HS3ST4: variants seen among roughly 807,000 people sequenced by gnomAD.
HS3ST4 encodes heparan sulfate-glucosamine 3-sulfotransferase 4.
A neutral mutation model predicts 29.2 loss-of-function variants in HS3ST4; 17 were observed. The ratio of observed to expected loss-of-function variants is 0.58; its 90% CI spans 0.40 to 0.87. The LOEUF (loss-of-function observed/expected upper bound fraction) is 0.87. Among genes scored for constraint, HS3ST4 ranks in the 40% least tolerant of loss-of-function variants. The probability of loss-of-function intolerance (pLI) is 0.00; values close to 1 mark genes in which losing one functional copy is unlikely to be tolerated. For synonymous variants in HS3ST4, 314 were observed against 285.7 expected (o/e 1.10, Z -1.00); for missense variants, 627 against 634.5 (o/e 0.99, Z 0.13).
At chr16:25,876,657 C>T (rs1967836086) in intron 1 of HS3ST4, among the ~76,000 whole-genome samples, 2 of 152,044 alleles carry the variant, frequency 1.3e-5, no homozygotes, top group South Asian at 4.1e-4. Context: ...GGTCATCCCA[C>T]TCAATCAACA....
At chr16:26,022,256 A>G (rs1969420535) in intron 1 of HS3ST4, among the ~76,000 whole-genome samples, 1 of 152,118 alleles carries the variant, frequency 6.6e-6, no homozygotes, top group Admixed American at 6.5e-5. Flanking sequence ...TGCATTAGCC[A>G]TGGCAACCAG....
intron 1 of HS3ST4, among the ~76,000 whole-genome samples, chr16:26,022,841 CT>C (rs1969427710): frequency 6.6e-6 from 1 of 151,916 alleles, no homozygotes; most frequent in African/African-American, 2.4e-5. Flanking sequence ...GTTTTAACAA[CT>C]TTAATAACTG....
At chr16:25,960,227 A>G (rs1199447538) in intron 1 of HS3ST4, among the ~76,000 whole-genome samples, 1 of 152,070 alleles carries the variant, frequency 6.6e-6, no homozygotes. Flanking sequence ...TTCCATCCTG[A>G]GTAAAAGCTT....
At chr16:25,994,445 T>A (rs1482089014) in intron 1 of HS3ST4, among the ~76,000 whole-genome samples, 2 of 152,208 alleles carry the variant, frequency 1.3e-5, no homozygotes, top group Non-Finnish European at 2.9e-5. Flanking sequence ...CATACAGTAC[T>A]GTAAAGAGCA....
At chr16:25,864,031 G>T (rs1567258775) in intron 1 of HS3ST4, among the ~76,000 whole-genome samples, 1 of 152,108 alleles carries the variant, frequency 6.6e-6, no homozygotes, top group Non-Finnish European at 1.5e-5. Flanking sequence ...TCGCCTCTTC[G>T]CGTGGGCATC....
At chr16:25,776,628 G>A (rs544748864) in intron 1 of HS3ST4, among the ~76,000 whole-genome samples, 45 of 152,200 alleles carry the variant, frequency 3.0e-4, no homozygotes, top group African/African-American at 9.6e-4. Context: ...ATTAACTGAG[G>A]CCTGTGTCAA....
At chr16:25,913,347 T>C (rs1398713432) in intron 1 of HS3ST4, among the ~76,000 whole-genome samples, 6 of 152,236 alleles carry the variant, frequency 3.9e-5, no homozygotes, top group African/African-American at 1.4e-4. Flanking sequence ...ATTCGTGCCC[T>C]TTTATGAAAG....
intron 1 of HS3ST4, among the ~76,000 whole-genome samples, chr16:26,123,625 G>A (rs1250443773): frequency 6.6e-6 from 1 of 152,198 alleles, no homozygotes; most frequent in Non-Finnish European, 1.5e-5. Flanking sequence ...GCCGAGCAGT[G>A]TATGCTATAC....
At chr16:25,711,653 T>G (rs2141585103) in intron 1 of HS3ST4, among the ~76,000 whole-genome samples, 1 of 152,306 alleles carries the variant, frequency 6.6e-6, no homozygotes, top group East Asian at 1.9e-4. Context: ...TGAGTAGAAC[T>G]TAGCTAGAAT....
At position 25,693,072 on chromosome 16, in the gene HS3ST4, G is replaced by A. The variant is rs1204029877; in HGVS notation, c.655G>A (p.Val219Met). ...GTRALLEAIR[V>M]HPDVRAVGVE... ...CCGCGCGCTGCTGGAGGCGATCCGC[G>A]TGCACCCGGACGTGCGGGCGGTGGG... The change falls in exon 1 of 2, where the codon GTG becomes ATG. Residue 219 changes from valine (V) to methionine (M), a missense_variant. This residue lies in a region of HS3ST4 where 402 missense variants were observed against 340.8 expected (regional missense o/e 1.18). Coordinates refer to ENST00000331351, the MANE Select transcript of HS3ST4 (RefSeq NM_006040.3). The A allele has an allele frequency of 6.2e-7, 1 of 1,608,592 alleles. No individual in the cohort carries two copies. The highest frequency in any genetic ancestry group is 8.5e-7 in the Non-Finnish European group (1 of 1,177,894).
intron 1 of HS3ST4, among the ~76,000 whole-genome samples, chr16:25,811,813 C>G (rs1313410252): frequency 1.3e-5 from 2 of 151,992 alleles, no homozygotes; most frequent in Non-Finnish European, 2.9e-5. Flanking sequence ...GTTAATCAAC[C>G]GTTTATGTTA....
chr16:25,874,999 G>A (rs558207910), intron 1 of HS3ST4, among the ~76,000 whole-genome samples: 11 of 152,242 alleles, frequency 7.2e-5, no homozygotes, highest in African/African-American at 2.4e-4. Context: ...ACACACACAT[G>A]TTTAGAATAT....
At chr16:26,050,973 A>C (rs28667972) in intron 1 of HS3ST4, among the ~76,000 whole-genome samples, 34,330 of 152,036 alleles carry the variant, frequency 0.23, 6,189 homozygotes, top group East Asian at 0.54. Context: ...TGGAGCTGGA[A>C]TGGAGGGAAC....
chr16:25,704,740 G>A (rs564948804), intron 1 of HS3ST4, among the ~76,000 whole-genome samples: 6 of 152,154 alleles, frequency 3.9e-5, no homozygotes, highest in Middle Eastern at 3.4e-3. Context: ...TTAGCCAAGC[G>A]TGGTGACAGG....
At chr16:25,793,178 AACTTT>A (rs1966873704) in intron 1 of HS3ST4, among the ~76,000 whole-genome samples, 2 of 152,088 alleles carry the variant, frequency 1.3e-5, no homozygotes, top group East Asian at 1.9e-4. Context: ...TTTACTTTGT[AACTTT>A]ACTTTATAAT....
At chr16:25,913,296 G>C (rs190837679) in intron 1 of HS3ST4, among the ~76,000 whole-genome samples, 86 of 152,340 alleles carry the variant, frequency 5.6e-4, no homozygotes, top group African/African-American at 1.9e-3. Flanking sequence ...GAGGCTTTTG[G>C]GAGGCTATTA....
chr16:25,983,637 G>A (rs1438894593), intron 1 of HS3ST4, among the ~76,000 whole-genome samples: 2 of 152,184 alleles, frequency 1.3e-5, no homozygotes, highest in African/African-American at 4.8e-5. Context: ...AGATTCAACT[G>A]TGTCTTACTC....
At position 25,834,688 on chromosome 16, in the gene HS3ST4, G is replaced by T. The variant is rs147157680; in HGVS notation, c.734+141537G>T. Among the ~76,000 whole-genome samples the T allele has an allele frequency of 3.9e-5, 6 of 152,288 alleles. No individual in the cohort carries two copies. In the South Asian group the frequency reaches 1.2e-3, roughly 32 times the overall value. ...AGGCCAGGCGTGGTGGCTCACGCCTGTAATCCCAGAACTTTAAGAGGCCGA... is the reference window on the plus strand; with the variant it reads ...AGGCCAGGCGTGGTGGCTCACGCCTTTAATCCCAGAACTTTAAGAGGCCGA... On this transcript the variant is annotated intron_variant, in intron 1 of 1. Transcript: ENST00000331351.
intron 1 of HS3ST4, among the ~76,000 whole-genome samples, chr16:26,095,550 G>A (rs1898913145): frequency 1.3e-5 from 2 of 152,170 alleles, no homozygotes; most frequent in Non-Finnish European, 2.9e-5. Flanking sequence ...TGGAAATAAA[G>A]ATGTTCTTTG....
Sources: gnomAD v4.1 joint callset for allele counts (sites outside exome capture counted in the v4.1 genomes callset) on GRCh38, gnomAD v4.1.1 for gene constraint, gnomAD v4.1.1 regional missense constraint, MANE v1.5 for transcripts, NCBI Gene and HGNC (gene_info 2026-07-23, HGNC 2026-07-21) for gene names.